Variants in NBDY observed in about 807,000 individuals in gnomAD.
NBDY encodes the protein P-body dissociating protein.
At chrX:56,759,391 C>T (rs1359417542) in intron 2 of NBDY, among the ~76,000 whole-genome samples, 2 of 112,378 alleles carry the variant, frequency 1.8e-5, no homozygotes, top group African/African-American at 6.5e-5. Flanking sequence ...GATGCCGAAA[C>T]AGGATTCCCA....
At chrX:56,737,478 T>A in intron 2 of NBDY, 2 of 791,747 alleles carry the variant, frequency 2.5e-6, no homozygotes, top group African/African-American at 2.1e-5. Context: ...GTATCATCTC[T>A]CATTAACCCC....
At chrX:56,766,970 G>A (rs1453138939) in intron 2 of NBDY, among the ~76,000 whole-genome samples, 1 of 112,730 alleles carries the variant, frequency 8.9e-6, no homozygotes, top group Non-Finnish European at 1.9e-5. Flanking sequence ...CCCTGTGGCT[G>A]CCTGTTGAGC....
rs977623805 is a variant in NBDY at position 56,818,029 on chromosome X, T to C, written c.*876T>C. On this transcript the variant is annotated 3_prime_UTR_variant, in exon 3 of 3. Transcript: ENST00000374922. ...ACAAGTAAAATGGGAAAACATTAGA[T>C]AGCAGCTTTCAATATTTCATATAGT... 1 of 111,559 alleles carries C rather than the reference T, an allele frequency of 9.0e-6. No individual in the cohort carries two copies. Among genetic ancestry groups the C allele is most frequent in the Non-Finnish European group, 1.9e-5 (1 of 53,083 alleles). The allele number at this position is 111,559 out of a possible 1,213,427, so 9.2% of individuals were successfully genotyped here.
intron 2 of NBDY, chrX:56,737,471 T>TCATC: frequency 2.7e-6 from 2 of 736,162 alleles, no homozygotes; most frequent in East Asian, 6.4e-5. Context: ...ATATATTGTA[T>TCATC]CATCTCTCAT....
At chrX:56,737,573 G>T in intron 2 of NBDY, 1 of 692,326 alleles carries the variant, frequency 1.4e-6, no homozygotes, top group Non-Finnish European at 2.2e-6. Context: ...CTGCTTGCCA[G>T]CCATTTTGAC....
chrX:56,792,912 C>G (rs1279553406), intron 2 of NBDY, among the ~76,000 whole-genome samples: 1 of 111,550 alleles, frequency 9.0e-6, no homozygotes, highest in Admixed American at 9.4e-5. Context: ...AAAAACGGAC[C>G]CTGCAACCAG....
chrX:56,816,433 G>A (rs1270102022), intron 2 of NBDY, among the ~76,000 whole-genome samples: 4 of 110,790 alleles, frequency 3.6e-5, no homozygotes, highest in Non-Finnish European at 5.7e-5. Context: ...AGAATATATG[G>A]AAATAATTCT....
At chrX:56,809,000 C>T (rs1471776093) in intron 2 of NBDY, among the ~76,000 whole-genome samples, 1 of 112,342 alleles carries the variant, frequency 8.9e-6, no homozygotes, top group Non-Finnish European at 1.9e-5. Flanking sequence ...TTATTTCTGC[C>T]TTTATTTCGT....
In NBDY at chrX:56,818,888, T is replaced by G. The variant is rs1237035920; in HGVS notation, c.*1735T>G. 3 of 109,694 alleles carry G rather than the reference T, an allele frequency of 2.7e-5. No homozygotes were observed. The highest frequency in any genetic ancestry group is 5.7e-5 in the Non-Finnish European group (3 of 52,658). The allele number at this position is 109,694 out of a possible 1,213,427, so 9.0% of individuals were successfully genotyped here. On this transcript the variant is annotated 3_prime_UTR_variant, in exon 3 of 3. Coordinates refer to ENST00000374922, the MANE Select transcript of NBDY (RefSeq NM_001348129.2). ...GTCCAGACATAAGCCCTCACAAAAG[T>G]TAATTTGCAGCCAATTAACTTCTGA...
At chrX:56,811,884 G>A (rs2069888974) in intron 2 of NBDY, among the ~76,000 whole-genome samples, 1 of 112,214 alleles carries the variant, frequency 8.9e-6, no homozygotes. Context: ...CAGGGCCCTG[G>A]TGGCATGGGC....
At chrX:56,751,817 G>A (rs756667187) in intron 2 of NBDY, among the ~76,000 whole-genome samples, 45 of 111,903 alleles carry the variant, frequency 4.0e-4, no homozygotes, top group Non-Finnish European at 7.2e-4. Flanking sequence ...GGCTACATAC[G>A]CAGGTTTATT....
intron 2 of NBDY, among the ~76,000 whole-genome samples, chrX:56,738,903 T>C (rs1386270880): frequency 9.1e-6 from 1 of 110,377 alleles, no homozygotes; most frequent in South Asian, 4.0e-4. Context: ...CTAATACCAA[T>C]AGACTTGGTG....
At chrX:56,804,891 C>G (rs2069841633) in intron 2 of NBDY, among the ~76,000 whole-genome samples, 1 of 112,320 alleles carries the variant, frequency 8.9e-6, no homozygotes, top group Admixed American at 9.4e-5. Context: ...CTCTCAGTGA[C>G]TGGAGAGCAG....
intron 2 of NBDY, among the ~76,000 whole-genome samples, chrX:56,762,350 CCT>C (rs752790545): frequency 1.8e-5 from 2 of 109,441 alleles, no homozygotes; most frequent in East Asian, 5.7e-4. Flanking sequence ...TCCTCCTCCT[CCT>C]CTCTCTTTTC....
At chrX:56,781,236 C>T (rs2069687044) in intron 2 of NBDY, among the ~76,000 whole-genome samples, 1 of 111,946 alleles carries the variant, frequency 8.9e-6, no homozygotes, top group Non-Finnish European at 1.9e-5. Flanking sequence ...TCTGCCTAGA[C>T]ACCTTCATTC....
intron 2 of NBDY, among the ~76,000 whole-genome samples, chrX:56,781,704 T>G (rs1470789657): frequency 8.9e-6 from 1 of 112,013 alleles, no homozygotes; most frequent in Non-Finnish European, 1.9e-5. Flanking sequence ...CAGGGTCAGT[T>G]ATGCACGGGG....
At chrX:56,808,304 A>G (rs777331212) in intron 2 of NBDY, among the ~76,000 whole-genome samples, 4 of 110,903 alleles carry the variant, frequency 3.6e-5, no homozygotes, top group Middle Eastern at 4.6e-3. Flanking sequence ...CTCTTTTTCT[A>G]TTGTTTGGAA....
At chrX:56,743,617 G>C (rs1049318000) in intron 2 of NBDY, among the ~76,000 whole-genome samples, 18 of 111,064 alleles carry the variant, frequency 1.6e-4, no homozygotes, top group African/African-American at 5.9e-4. Flanking sequence ...TGCAGTATCA[G>C]TTGTAATGTG....
intron 2 of NBDY, among the ~76,000 whole-genome samples, chrX:56,741,420 C>T (rs137999639): frequency 2.7e-5 from 3 of 111,629 alleles, no homozygotes; most frequent in Non-Finnish European, 5.7e-5. Flanking sequence ...ATCTTCAAAT[C>T]GTTCTCCATT....
Sources: gnomAD v4.1 joint callset for allele counts (sites outside exome capture counted in the v4.1 genomes callset) on GRCh38, gnomAD v4.1.1 for gene constraint, MANE v1.5 for transcripts, NCBI Gene and HGNC (gene_info 2026-07-23, HGNC 2026-07-21) for gene names.